Variants in FNIP1 observed in about 807,000 individuals in gnomAD.
The protein encoded by FNIP1 is folliculin interacting protein 1, also known as folliculin-interacting protein 1.
Under a neutral mutation model 124.5 loss-of-function variants are expected in FNIP1, and 40 were observed. That is an observed-to-expected ratio of 0.32 (90% CI 0.25 to 0.42). FNIP1 has a LOEUF of 0.42. Among genes scored for constraint, FNIP1 ranks in the 10% least tolerant of loss-of-function variants. FNIP1 has a pLI of 1.00. For missense variants in FNIP1, 1,176 were observed against 1,403.7 expected, an observed-to-expected ratio of 0.84 and a Z score of 2.59; for synonymous variants, 472 against 470.6, an observed-to-expected ratio of 1.00 and a Z score of -0.04.
chr5:131,700,969 T>C (rs1768881271), intron 10 of FNIP1, among the ~76,000 whole-genome samples: 1 of 152,180 alleles, frequency 6.6e-6, no homozygotes, highest in Admixed American at 6.5e-5. Context: ...ACTATAAGCA[T>C]TAACAATGTA....
At chr5:131,691,577 CT>C (rs1405817378) in intron 11 of FNIP1, among the ~76,000 whole-genome samples, 1 of 152,004 alleles carries the variant, frequency 6.6e-6, no homozygotes, top group Admixed American at 6.6e-5. Context: ...ATTGTTAAGC[CT>C]TTATCAGGAA....
chr5:131,693,350 A>ATATGTG lies in FNIP1; in HGVS notation c.1202+5566_1202+5567insCACATA, dbSNP rs1175323699. On this transcript the variant is annotated intron_variant, in intron 11 of 17. Transcript: ENST00000510461. ...TATATATACATATATATATATATAT[A>ATATGTG]TATATATATATAGTTACAGAGATCA... Among the ~76,000 whole-genome samples the ATATGTG allele has an allele frequency of 2.3e-4, 32 of 136,488 alleles. No homozygotes were observed. In the East Asian group the frequency reaches 6.4e-3, roughly 27 times the overall value. The allele number at this position is 136,488 out of a possible 152,430, so 89.5% of individuals were successfully genotyped here.
At chr5:131,717,286 C>T (rs1357920951) in intron 5 of FNIP1, among the ~76,000 whole-genome samples, 1 of 152,106 alleles carries the variant, frequency 6.6e-6, no homozygotes, top group Non-Finnish European at 1.5e-5. Context: ...CGGTTTCCAG[C>T]TTCATCCATG....
intron 1 of FNIP1, among the ~76,000 whole-genome samples, chr5:131,785,135 A>G (rs1204993791): frequency 5.5e-5 from 1 of 18,068 alleles, no homozygotes; most frequent in Non-Finnish European, 1.7e-4. Flanking sequence ...ATATATGACT[A>G]TATATATAGT....
At chr5:131,655,483 A>G (rs1008389509) in intron 15 of FNIP1, among the ~76,000 whole-genome samples, 10 of 152,204 alleles carry the variant, frequency 6.6e-5, no homozygotes, top group African/African-American at 2.2e-4. Flanking sequence ...CAGCCCAGAG[A>G]AATGTTAACA....
intron 3 of FNIP1, among the ~76,000 whole-genome samples, chr5:131,721,308 AGTAGAATG>A (rs1026586803): frequency 4.6e-5 from 7 of 152,084 alleles, no homozygotes; most frequent in African/African-American, 1.4e-4. Context: ...AGAATCAAAG[AGTAGAATG>A]GTAGTTACCA....
intron 11 of FNIP1, among the ~76,000 whole-genome samples, chr5:131,682,447 G>A (rs559510773): frequency 1.3e-5 from 2 of 152,008 alleles, no homozygotes; most frequent in South Asian, 2.1e-4. Context: ...GGCCAGGTGC[G>A]GTGGCTCACA....
In FNIP1 at chr5:131,671,725, C is replaced by A. The variant is rs371459088; in HGVS notation, c.2719G>T (p.Asp907Tyr). 4.3e-6 allele frequency: 7 copies of A among 1,614,016 alleles called. No individual in the cohort carries two copies. The highest frequency in any genetic ancestry group is 5.9e-6 in the Non-Finnish European group (7 of 1,180,040). Reference sequence around the variant, plus strand: ...TGGGGGACAAGAATGGAGAGTGTATCTCTTTGGTCCTGCTGAGGAAAGCAG... The same window carrying A: ...TGGGGGACAAGAATGGAGAGTGTATATCTTTGGTCCTGCTGAGGAAAGCAG... ...KTCFPQQDQR[D>Y]TLSILVPHGD... The change falls in exon 14 of 18, where the codon GAT becomes TAT. Residue 907 changes from aspartate to tyrosine, a missense_variant. Around this residue, in one of 2 missense-constraint regions of FNIP1, gnomAD observed 1,109 missense variants for 1,288.5 expected, o/e 0.86. Coordinates refer to ENST00000510461, the MANE Select transcript of FNIP1 (RefSeq NM_133372.3).
chr5:131,712,460 A>G (rs1438691023), intron 6 of FNIP1, among the ~76,000 whole-genome samples: 1 of 152,204 alleles, frequency 6.6e-6, no homozygotes, highest in African/African-American at 2.4e-5. Context: ...TTTTCCAACT[A>G]CATATCTGTG....
chr5:131,748,408 T>C (rs974984069), intron 1 of FNIP1, among the ~76,000 whole-genome samples: 8 of 152,160 alleles, frequency 5.3e-5, no homozygotes, highest in South Asian at 2.1e-4. Context: ...TAAAAGACTA[T>C]GTTGGCCGGG....
In FNIP1 at chr5:131,674,535, C is replaced by T. The variant is rs138644798; in HGVS notation, c.1520-1611G>A. On this transcript the variant is annotated intron_variant, in intron 13 of 17. Coordinates refer to ENST00000510461, the MANE Select transcript of FNIP1 (RefSeq NM_133372.3). Reference sequence around the variant, plus strand: ...TTCAAGACCAGCCTGGGCAACATGGCGAAACCCTTGTCTCTACAAAAAAAT... The same window carrying T: ...TTCAAGACCAGCCTGGGCAACATGGTGAAACCCTTGTCTCTACAAAAAAAT... Among the ~76,000 whole-genome samples, 479 of 151,572 alleles carry T rather than the reference C, an allele frequency of 3.2e-3. 2 individuals carry two copies. Among genetic ancestry groups the T allele is most frequent in the African/African-American group, 0.011 (453 of 41,306 alleles).
intron 1 of FNIP1, among the ~76,000 whole-genome samples, chr5:131,756,587 C>T (rs1771058620): frequency 1.3e-5 from 2 of 151,954 alleles, no homozygotes; most frequent in Non-Finnish European, 2.9e-5. Flanking sequence ...CACAGTATCC[C>T]GGGCAAGGGT....
At chr5:131,735,487 A>ATATATACGTATAAAATATGTATATATACG (rs1770262402) in intron 2 of FNIP1, among the ~76,000 whole-genome samples, 1 of 148,734 alleles carries the variant, frequency 6.7e-6, no homozygotes, top group South Asian at 2.1e-4. Context: ...GTATATATGT[A>ATATATACGTATAAAATATGTATATATACG]TATATACGTA....
At chr5:131,724,784 G>C (rs989582175) in intron 3 of FNIP1, among the ~76,000 whole-genome samples, 1 of 151,048 alleles carries the variant, frequency 6.6e-6, no homozygotes, top group African/African-American at 2.5e-5. Context: ...CTATGCCTAT[G>C]TCCTGAATGG....
At chr5:131,770,603 C>G (rs1025321340) in intron 1 of FNIP1, among the ~76,000 whole-genome samples, 9 of 152,196 alleles carry the variant, frequency 5.9e-5, no homozygotes, top group Non-Finnish European at 1.2e-4. Flanking sequence ...AGAATGGGCT[C>G]TGAATCAGCC....
At chr5:131,730,186 G>T (rs781735912) in intron 3 of FNIP1, among the ~76,000 whole-genome samples, 1 of 152,166 alleles carries the variant, frequency 6.6e-6, no homozygotes, top group Non-Finnish European at 1.5e-5. Flanking sequence ...AAGGCAGGGG[G>T]AACTGTGCAG....
chr5:131,787,873 G>A (rs1772269410), intron 1 of FNIP1, among the ~76,000 whole-genome samples: 1 of 152,112 alleles, frequency 6.6e-6, no homozygotes, highest in African/African-American at 2.4e-5. Flanking sequence ...CACTTTGAGA[G>A]GCCAACGTGG....
At chr5:131,690,155 G>A (rs1017857609) in intron 11 of FNIP1, among the ~76,000 whole-genome samples, 11 of 152,120 alleles carry the variant, frequency 7.2e-5, no homozygotes, top group South Asian at 2.1e-4. Flanking sequence ...CCCGGGAGGC[G>A]GAGCTTGCAG....
chr5:131,688,492 G>C (rs1768360700), intron 11 of FNIP1, among the ~76,000 whole-genome samples: 1 of 151,630 alleles, frequency 6.6e-6, no homozygotes, highest in Non-Finnish European at 1.5e-5. Context: ...AAACTAGTCT[G>C]AACAAAGAAA....
Sources: allele counts gnomAD v4.1 joint callset (sites outside exome capture counted in the v4.1 genomes callset), GRCh38; gene constraint gnomAD v4.1.1; regional missense constraint gnomAD v4.1.1; transcripts MANE v1.5; gene names NCBI Gene and HGNC (gene_info 2026-07-23, HGNC 2026-07-21).